PCDHGB6: variants seen among roughly 807,000 people sequenced by gnomAD.
PCDHGB6 encodes protocadherin gamma-B6.
Under a neutral mutation model 59.1 loss-of-function variants are expected in PCDHGB6, and 51 were observed. That is an observed-to-expected ratio of 0.86 (90% confidence interval 0.69 to 1.09). The LOEUF (loss-of-function observed/expected upper bound fraction) is 1.09, where lower values mean the gene tolerates loss of function less well. Ranked by LOEUF, PCDHGB6 falls within the 50% of genes least tolerant of loss-of-function variation. The pLI, the probability that PCDHGB6 is intolerant of heterozygous loss-of-function variation, is 0.00. For synonymous variants in PCDHGB6, 466 were observed against 495.1 expected, an observed-to-expected ratio of 0.94 and a Z score of 0.78; for missense variants, 1,148 against 1,205.1, an observed-to-expected ratio of 0.95 and a Z score of 0.70.
At chr5:141,508,096 G>A (rs1489615862) in intron 3 of PCDHGB6, 1 of 152,476 alleles carries the variant, frequency 6.6e-6, no homozygotes, top group African/African-American at 2.4e-5. Context: ...CCTTGGCCCT[G>A]GGATGGGGTA....
chr5:141,455,593 C>T (rs957677108), intron 1 of PCDHGB6, among the ~76,000 whole-genome samples: 4 of 152,070 alleles, frequency 2.6e-5, no homozygotes, highest in Non-Finnish European at 5.9e-5. Flanking sequence ...AATATGCAAA[C>T]GTAGGGCGCC....
Position 141,486,032 on chromosome 5 carries a change from G to C in PCDHGB6, c.2419-8775G>C, listed in dbSNP as rs560909128. The C allele has an allele frequency of 1.2e-6, 2 of 1,614,166 alleles. No individual in the cohort carries two copies. Among genetic ancestry groups the C allele is most frequent in the African/African-American group, 2.7e-5 (2 of 75,034 alleles). On this transcript the variant is annotated intron_variant, in intron 1 of 3. Transcript: ENST00000520790. This position sits in a 1 kb window ranked among gnomAD's most constrained non-coding sequence, Gnocchi z 5.0. ...CTTTTATTTCAGTGGTCATACCCCT[G>C]ATCGTGTAAGAAACCTCTTTAGCCT... is the stretch of plus-strand genomic sequence containing the variant.
rs371079504 is a variant in PCDHGB6, at chr5:141,422,041, G to C, written c.2418+11421G>C. 9 of 1,611,514 alleles carry C rather than the reference G, an allele frequency of 5.6e-6. No homozygotes were observed. The highest frequency in any genetic ancestry group is 5.9e-6 in the Non-Finnish European group (7 of 1,179,230). On this transcript the variant is annotated intron_variant, in intron 1 of 3. Transcript: ENST00000520790. ...GATGGTTAATGCAACGGATCCAGAC[G>C]AGGGAATCAACGGGGAAGTAATGTA...
rs901230493 is a variant in PCDHGB6, at chr5:141,487,514, C to T, written c.2419-7293C>T. 7 of 1,614,150 alleles carry T rather than the reference C, an allele frequency of 4.3e-6. No homozygotes were observed. The highest frequency in any genetic ancestry group is 1.1e-5 in the South Asian group (1 of 91,070). On this transcript the variant is annotated intron_variant, in intron 1 of 3. Transcript: ENST00000520790. The surrounding 1 kb of genome is among the most constrained non-coding windows in gnomAD (Gnocchi z 5.0). Reference sequence around the variant, plus strand: ...TACACCCTTGGCTTCTGCACCCACTCGGAGTGATAGCTTCATGATGGTGAA... The same window carrying T: ...TACACCCTTGGCTTCTGCACCCACTTGGAGTGATAGCTTCATGATGGTGAA...
At position 141,431,784 on chromosome 5, in the gene PCDHGB6, A is replaced by G; in HGVS notation, c.2418+21164A>G. On this transcript the variant is annotated intron_variant, in intron 1 of 3. Coordinates refer to ENST00000520790, the MANE Select transcript of PCDHGB6 (RefSeq NM_018926.3). The surrounding 1 kb of genome is among the most constrained non-coding windows in gnomAD (Gnocchi z 4.8). ...CTGATCACTGTTCTGGACGTGAACG[A>G]CAATGCCCCAGAAGTGGTCCTCACC... 1 of 1,614,220 alleles carries G rather than the reference A, an allele frequency of 6.2e-7. No individual in the cohort carries two copies. Among genetic ancestry groups the G allele is most frequent in the Non-Finnish European group, 8.5e-7 (1 of 1,180,022 alleles).
At chr5:141,464,426 G>GAT (rs1287556960) in intron 1 of PCDHGB6, among the ~76,000 whole-genome samples, 1 of 151,096 alleles carries the variant, frequency 6.6e-6, no homozygotes, top group African/African-American at 2.4e-5. Flanking sequence ...TATATATATA[G>GAT]ATATATATGT....
Position 141,476,416 on chromosome 5 carries a change from A to G in PCDHGB6, c.2419-18391A>G. On this transcript the variant is annotated intron_variant, in intron 1 of 3. Coordinates refer to ENST00000520790, the MANE Select transcript of PCDHGB6 (RefSeq NM_018926.3). The surrounding 1 kb of genome is among the most constrained non-coding windows in gnomAD (Gnocchi z 7.6). ...TGGATCGAGAGGAGCTGTGTGGGAC[A>G]CTGCCCTCTTGCACTGTAACTCTGG... 1 of 1,614,056 alleles carries G rather than the reference A, an allele frequency of 6.2e-7. No individual in the cohort carries two copies. The highest frequency in any genetic ancestry group is 8.5e-7 in the Non-Finnish European group (1 of 1,179,994).
rs1036281905 is a variant in PCDHGB6 at position 141,493,555 on chromosome 5, T to C, written c.2419-1252T>C. ...GCCAGTTATCCTTTTGGAGATTGAG[T>C]TCCCCCAGCTCCGTTTCCTCCTATC... On this transcript the variant is annotated intron_variant, in intron 1 of 3. Transcript: ENST00000520790. This position sits in a 1 kb window ranked among gnomAD's most constrained non-coding sequence, Gnocchi z 4.3. Among the ~76,000 whole-genome samples, 3 of 152,012 alleles carry C rather than the reference T, an allele frequency of 2.0e-5. No individual in the cohort carries two copies. Among genetic ancestry groups the C allele is most frequent in the African/African-American group, 7.3e-5 (3 of 41,362 alleles).
rs781173890 is a variant in PCDHGB6, at chr5:141,476,165, G to T, written c.2419-18642G>T. 5.3e-5 allele frequency: 86 copies of T among 1,613,106 alleles called. No individual in the cohort carries two copies. Among genetic ancestry groups the T allele is most frequent in the Non-Finnish European group, 7.2e-5 (85 of 1,179,976 alleles). On this transcript the variant is annotated intron_variant, in intron 1 of 3. Transcript: ENST00000520790. The surrounding 1 kb of genome is among the most constrained non-coding windows in gnomAD (Gnocchi z 7.6). ...CGGACTGGTAAGCACCGGGAGGGTA[G>T]TGGGAGTTTTGCTTCTGCTTGGTGC...
chr5:141,419,138 A>G (rs1590146439), intron 1 of PCDHGB6: 1 of 1,613,920 alleles, frequency 6.2e-7, no homozygotes, highest in Non-Finnish European at 8.5e-7. Flanking sequence ...AGCCACAGAC[A>G]GGGGCAAGCC....
At chr5:141,414,691 T>A (rs2095777481) in intron 1 of PCDHGB6, 1 of 1,613,848 alleles carries the variant, frequency 6.2e-7, no homozygotes, top group African/African-American at 1.3e-5. Context: ...GGTACCTCTG[T>A]CCTCATACAT....
chr5:141,509,882 GTGAC>G (rs1186067105), intron 3 of PCDHGB6, among the ~76,000 whole-genome samples: 1 of 152,182 alleles, frequency 6.6e-6, no homozygotes, highest in Non-Finnish European at 1.5e-5. Context: ...GGTGGTGATG[GTGAC>G]TGACTGTCCC....
At position 141,408,970 on chromosome 5, in the gene PCDHGB6, C is replaced by T. The variant is rs755949698; in HGVS notation, c.768C>T (p.Pro256=). ...EYRISLSENL[P]PGSPVLQVTA... is the part of the protein sequence containing the mutation. The stretch of plus-strand genomic sequence containing the variant: ...GAATTAGTCTTAGTGAAAATCTGCC[C>T]CCTGGGTCCCCTGTGTTGCAAGTGA... The change falls in exon 1 of 4, where the codon CCC becomes CCT. Residue 256 remains proline, a synonymous_variant. Coordinates refer to ENST00000520790, the MANE Select transcript of PCDHGB6 (RefSeq NM_018926.3). 10 of 1,613,770 alleles carry T rather than the reference C, an allele frequency of 6.2e-6. No homozygotes were observed. The South Asian group carries it at 1.1e-4, about 18-fold the overall frequency.
At chr5:141,435,054 C>A (rs891988253) in intron 1 of PCDHGB6, among the ~76,000 whole-genome samples, 7 of 151,964 alleles carry the variant, frequency 4.6e-5, no homozygotes, top group Admixed American at 1.3e-4. Context: ...ATTGACCATG[C>A]AGCAGTTTTG....
At chr5:141,415,122 C>G (rs552568826) in intron 1 of PCDHGB6, 1 of 1,613,668 alleles carries the variant, frequency 6.2e-7, no homozygotes, top group Non-Finnish European at 8.5e-7. Context: ...TCGTAGTGGC[C>G]GTCCAGGACC....
At position 141,431,141 on chromosome 5, in the gene PCDHGB6, G is replaced by C. The variant is rs1262504427; in HGVS notation, c.2418+20521G>C. 1 of 1,614,094 alleles carries C rather than the reference G, an allele frequency of 6.2e-7. No individual in the cohort carries two copies. The highest frequency in any genetic ancestry group is 2.2e-5 in the East Asian group (1 of 44,896). On this transcript the variant is annotated intron_variant, in intron 1 of 3. Coordinates refer to ENST00000520790, the MANE Select transcript of PCDHGB6 (RefSeq NM_018926.3). The surrounding 1 kb of genome is among the most constrained non-coding windows in gnomAD (Gnocchi z 4.8). The stretch of plus-strand genomic sequence containing the variant: ...AGAAGTAGAAGTAAGGGACATTAAC[G>C]ACAATGCGCCTTACTTTCGTGAAAG...
intron 1 of PCDHGB6, among the ~76,000 whole-genome samples, chr5:141,420,762 T>A (rs1221355822): frequency 6.6e-6 from 1 of 152,222 alleles, no homozygotes; most frequent in Non-Finnish European, 1.5e-5. Context: ...AACCTACAAG[T>A]TTTCAGCTCC....
intron 1 of PCDHGB6, chr5:141,440,921 G>C (rs1213425379): frequency 6.6e-6 from 1 of 152,260 alleles, no homozygotes; most frequent in Non-Finnish European, 1.5e-5. Context: ...TGTGCTGAGA[G>C]TGAGGGCCAC....
In PCDHGB6 at chr5:141,491,797, G is replaced by T. The variant is rs537755017; in HGVS notation, c.2419-3010G>T. The stretch of plus-strand genomic sequence containing the variant: ...ATTGAACTTGCATCCACTCCTCTCC[G>T]GCCGGCTTGGTCGCTGGCTGCGCTC... On this transcript the variant is annotated intron_variant, in intron 1 of 3. Coordinates refer to ENST00000520790, the MANE Select transcript of PCDHGB6 (RefSeq NM_018926.3). The surrounding 1 kb of genome is among the most constrained non-coding windows in gnomAD (Gnocchi z 6.9). 2.0e-6 allele frequency: 3 copies of T among 1,506,818 alleles called. No homozygotes were observed. The highest frequency in any genetic ancestry group is 2.4e-5 in the Admixed American group (1 of 41,734). 93.3% of individuals were successfully genotyped at this position (1,506,818 alleles called of 1,614,324 possible). A position where few individuals can be genotyped will look rare whatever the true frequency, so the allele number is the denominator to read the frequency against.
Sources: allele counts gnomAD v4.1 joint callset (sites outside exome capture counted in the v4.1 genomes callset), GRCh38; gene constraint gnomAD v4.1.1; non-coding constraint Gnocchi (gnomAD v3.1); transcripts MANE v1.5; gene names NCBI Gene and HGNC (gene_info 2026-07-23, HGNC 2026-07-21).